NRXN3: variants seen among roughly 807,000 people sequenced by gnomAD.
The protein encoded by NRXN3 is neurexin III.
Under a neutral mutation model 137.6 loss-of-function variants are expected in NRXN3, and 32 were observed. The ratio of observed to expected loss-of-function variants is 0.23; its 90% CI spans 0.18 to 0.31. NRXN3 has a LOEUF of 0.31. Among genes scored for constraint, NRXN3 ranks in the 10% least tolerant of loss-of-function variants. The pLI is 1.00. For synonymous variants in NRXN3, 798 were observed against 784.5 expected (o/e 1.02, Z -0.29); for missense variants, 1,574 against 2,062.5 (o/e 0.76, Z 4.59).
intron 15 of NRXN3, among the ~76,000 whole-genome samples, chr14:79,442,521 A>T (rs777187804): frequency 2.6e-5 from 4 of 152,222 alleles, no homozygotes; most frequent in African/African-American, 7.2e-5. Flanking sequence ...TATAACCTTG[A>T]TTATTCAGAG....
chr14:79,081,326 A>G (rs1170830127), intron 15 of NRXN3, among the ~76,000 whole-genome samples: 1 of 152,180 alleles, frequency 6.6e-6, no homozygotes. Context: ...AAAAGATATG[A>G]TGTGTCCAGC....
At chr14:79,029,784 A>AT (rs11428652) in intron 15 of NRXN3, among the ~76,000 whole-genome samples, 151,383 of 152,144 alleles carry the variant, frequency 0.99, 75,331 homozygotes, top group Middle Eastern at 1. Context: ...TATAATTGAC[A>AT]TTTTTGACCG....
At chr14:79,391,948 G>A (rs1262924697) in intron 15 of NRXN3, among the ~76,000 whole-genome samples, 2 of 152,030 alleles carry the variant, frequency 1.3e-5, no homozygotes, top group African/African-American at 4.8e-5. Context: ...TAGAGAGGGG[G>A]GATTTCTTCA....
At chr14:79,802,737 C>T (rs951306023) in intron 19 of NRXN3, among the ~76,000 whole-genome samples, 1 of 152,190 alleles carries the variant, frequency 6.6e-6, no homozygotes, top group Non-Finnish European at 1.5e-5. Flanking sequence ...ATAGGGCCCC[C>T]TCTCAGCAGG....
chr14:79,701,889 A>G (rs947194415), intron 19 of NRXN3, among the ~76,000 whole-genome samples: 24 of 152,136 alleles, frequency 1.6e-4, no homozygotes, highest in Middle Eastern at 3.4e-3. Context: ...GATATAAGTA[A>G]AATGCTTAAA....
chr14:78,808,857 G>A (rs79277843), intron 9 of NRXN3, among the ~76,000 whole-genome samples: 3,748 of 151,938 alleles, frequency 0.025, 103 homozygotes, highest in African/African-American at 0.066. Flanking sequence ...TCAAATGGTG[G>A]CATCATCCTT....
chr14:79,832,073 A>G (rs984558888), intron 20 of NRXN3, among the ~76,000 whole-genome samples: 2 of 152,298 alleles, frequency 1.3e-5, no homozygotes, highest in South Asian at 4.1e-4. Context: ...CAGTGTGTAC[A>G]TATAACTTAC....
At chr14:78,413,694 G>A (rs2092967132) in intron 4 of NRXN3, among the ~76,000 whole-genome samples, 1 of 152,180 alleles carries the variant, frequency 6.6e-6, no homozygotes, top group Admixed American at 6.5e-5. Flanking sequence ...TGCAGAGAAG[G>A]ATGAGGTGCA....
At chr14:78,478,453 A>G (rs551211769) in intron 4 of NRXN3, among the ~76,000 whole-genome samples, 1 of 152,312 alleles carries the variant, frequency 6.6e-6, no homozygotes, top group South Asian at 2.1e-4. Context: ...TATTAATAAT[A>G]TTGATTATCT....
intron 16 of NRXN3, among the ~76,000 whole-genome samples, chr14:79,541,643 T>C (rs1486795706): frequency 1.3e-5 from 2 of 152,208 alleles, no homozygotes; most frequent in Non-Finnish European, 2.9e-5. Context: ...CTCATGTACC[T>C]GACAAGGTGA....
rs548369881 is a variant in NRXN3, at chr14:78,313,885, G to A, written c.757+16025G>A. Among the ~76,000 whole-genome samples, 145 of 152,102 alleles carry A rather than the reference G, an allele frequency of 9.5e-4. 2 individuals are homozygous for A. The South Asian group carries it at 0.027, about 29-fold the overall frequency. On this transcript the variant is annotated intron_variant, in intron 4 of 20. Transcript: ENST00000335750. The stretch of plus-strand genomic sequence containing the variant: ...ATGCCTAAAAAGATGTCTAGCTCTC[G>A]TTATGGTTTTAATATATTCCCTTTC...
rs115451680 is a variant in NRXN3, at chr14:78,966,602, A to G, written c.2777+196A>G. 6.4e-3 allele frequency among the ~76,000 whole-genome samples: 980 copies of G among 152,346 alleles called. 13 individuals are homozygous for G. The highest frequency in any genetic ancestry group is 0.022 in the African/African-American group (921 of 41,584). ...GAGAGAGGCTCATGATTTAATTTAA[A>G]GGTCTTCCACTAACTCAACACTAAC... On this transcript the variant is annotated intron_variant, in intron 12 of 20. Coordinates refer to ENST00000335750, the MANE Select transcript of NRXN3 (RefSeq NM_001330195.2).
chr14:79,464,666 A>C (rs1018705476), intron 15 of NRXN3, among the ~76,000 whole-genome samples: 1 of 152,150 alleles, frequency 6.6e-6, no homozygotes, highest in African/African-American at 2.4e-5. Context: ...ATGTGAAAAG[A>C]ACTAAGTACA....
At chr14:79,770,234 G>T (rs2099072560) in intron 19 of NRXN3, among the ~76,000 whole-genome samples, 1 of 152,072 alleles carries the variant, frequency 6.6e-6, no homozygotes, top group East Asian at 1.9e-4. Flanking sequence ...AAGTCAACAA[G>T]GATACCCAGG....
intron 1 of NRXN3, among the ~76,000 whole-genome samples, chr14:78,185,574 A>G (rs1413345061): frequency 2.6e-5 from 4 of 152,210 alleles, no homozygotes; most frequent in African/African-American, 7.2e-5. Context: ...ATCTGAATCC[A>G]TTGAGGAATT....
intron 15 of NRXN3, among the ~76,000 whole-genome samples, chr14:79,318,412 G>A (rs558886415): frequency 1.1e-3 from 172 of 152,170 alleles, no homozygotes; most frequent in African/African-American, 4.0e-3. Context: ...AGTAGATCTC[G>A]GATTTGCTTT....
In NRXN3 at chr14:79,110,254, A is replaced by G. The variant is rs1195753369; in HGVS notation, c.3262+122113A>G. On this transcript the variant is annotated intron_variant, in intron 15 of 20. Transcript: ENST00000335750. ...GTTAAGACACATTGTACGTTCCAAG[A>G]GGGTTGGAAGAACACACATAAGAAA... Among the ~76,000 whole-genome samples, 3 of 152,254 alleles carry G rather than the reference A, an allele frequency of 2.0e-5. No homozygotes were observed. The South Asian group carries it at 6.2e-4, about 31-fold the overall frequency.
intron 4 of NRXN3, among the ~76,000 whole-genome samples, chr14:78,366,929 G>A (rs1031443322): frequency 9.9e-5 from 15 of 152,140 alleles, no homozygotes; most frequent in African/African-American, 2.9e-4. Context: ...GCTCCTCAGC[G>A]TGGCACCAGC....
intron 10 of NRXN3, among the ~76,000 whole-genome samples, chr14:78,923,360 G>C (rs1173171406): frequency 6.6e-6 from 1 of 152,188 alleles, no homozygotes; most frequent in East Asian, 1.9e-4. Context: ...TTGAAGGTTT[G>C]AGTATGTTCG....
Sources: gnomAD v4.1 joint callset for allele counts (sites outside exome capture counted in the v4.1 genomes callset) on GRCh38, gnomAD v4.1.1 for gene constraint, MANE v1.5 for transcripts, NCBI Gene and HGNC (gene_info 2026-07-23, HGNC 2026-07-21) for gene names.